The following TOX variants were observed in gnomAD, a reference collection of about 807,000 sequenced individuals.
TOX encodes the protein thymocyte selection associated high mobility group box.
In TOX, 11 loss-of-function variants were observed where a neutral mutation model predicts 53.7. The ratio of observed to expected loss-of-function variants is 0.20; its 90% confidence interval spans 0.13 to 0.34. The LOEUF is 0.34. TOX is among the 10% of genes least tolerant of loss of function. The pLI is 1.00. For synonymous variants in TOX, 225 were observed against 245.3 expected (o/e 0.92, Z 0.77); for missense variants, 570 against 664.6 (o/e 0.86, Z 1.56).
chr8:58,998,523 A>AAAAAATATAAATT (rs59892356), intron 1 of TOX, among the ~76,000 whole-genome samples: 5 of 45,044 alleles, frequency 1.1e-4, no homozygotes, highest in Admixed American at 3.0e-4. Context: ...ATATATATAT[A>AAAAAATATAAATT]TATATATATA....
At chr8:58,892,681 T>G (rs1015692639) in intron 3 of TOX, among the ~76,000 whole-genome samples, 1 of 152,140 alleles carries the variant, frequency 6.6e-6, no homozygotes, top group African/African-American at 2.4e-5. Flanking sequence ...AGCCTGTGCA[T>G]GTCAGTTTCT....
intron 1 of TOX, among the ~76,000 whole-genome samples, chr8:59,047,634 C>A (rs1052495384): frequency 6.6e-6 from 1 of 151,636 alleles, no homozygotes; most frequent in Admixed American, 6.6e-5. Context: ...TATTCACAGG[C>A]GCCATCATAG....
At chr8:59,114,692 TC>T (rs1445496834) in intron 1 of TOX, among the ~76,000 whole-genome samples, 2 of 152,190 alleles carry the variant, frequency 1.3e-5, no homozygotes, top group Non-Finnish European at 2.9e-5. Context: ...TTACCTTCTT[TC>T]TTCCCATACT....
chr8:58,890,960 C>A (rs1225474146), intron 3 of TOX, among the ~76,000 whole-genome samples: 2 of 152,066 alleles, frequency 1.3e-5, no homozygotes, highest in African/African-American at 4.8e-5. Context: ...CCAAGTCCAA[C>A]AGGATCTTAG....
At chr8:59,097,351 G>A (rs555091492) in intron 1 of TOX, among the ~76,000 whole-genome samples, 141 of 152,226 alleles carry the variant, frequency 9.3e-4, no homozygotes, top group African/African-American at 3.3e-3. Flanking sequence ...CTACGCCACC[G>A]GAGTGAGGTT....
intron 4 of TOX, among the ~76,000 whole-genome samples, chr8:58,847,289 T>C (rs1414653793): frequency 6.6e-6 from 1 of 152,054 alleles, no homozygotes; most frequent in African/African-American, 2.4e-5. Context: ...ACAAATATGT[T>C]GAACATGCTT....
At chr8:58,825,989 T>C (rs923033542) in intron 6 of TOX, among the ~76,000 whole-genome samples, 1 of 152,240 alleles carries the variant, frequency 6.6e-6, no homozygotes, top group Non-Finnish European at 1.5e-5. Context: ...AAATTTCTTA[T>C]GCATTTGTAC....
intron 3 of TOX, among the ~76,000 whole-genome samples, chr8:58,855,662 T>C (rs1291802774): frequency 6.6e-6 from 1 of 152,188 alleles, no homozygotes; most frequent in Non-Finnish European, 1.5e-5. Context: ...AAAATTAATC[T>C]TCATGAGCCA....
chr8:59,066,115 A>G (rs1310839307), intron 1 of TOX, among the ~76,000 whole-genome samples: 1 of 152,164 alleles, frequency 6.6e-6, no homozygotes, highest in Non-Finnish European at 1.5e-5. Flanking sequence ...AAACAGAACC[A>G]CCCTCTTCCT....
chr8:58,981,587 T>C (rs1426061835), intron 1 of TOX, among the ~76,000 whole-genome samples: 3 of 152,164 alleles, frequency 2.0e-5, no homozygotes, highest in Non-Finnish European at 4.4e-5. Context: ...GTTTTACTGC[T>C]CATCTTTTCC....
chr8:59,069,458 G>A (rs147602301), intron 1 of TOX, among the ~76,000 whole-genome samples: 18 of 152,250 alleles, frequency 1.2e-4, no homozygotes, highest in East Asian at 3.9e-4. Context: ...GAATATAGAC[G>A]TTTTGAAATG....
intron 6 of TOX, among the ~76,000 whole-genome samples, chr8:58,816,955 A>G (rs1368096825): frequency 6.6e-6 from 1 of 152,190 alleles, no homozygotes; most frequent in African/African-American, 2.4e-5. Flanking sequence ...TCAATAATGC[A>G]GTCAAGTTTC....
intron 1 of TOX, among the ~76,000 whole-genome samples, chr8:58,983,417 C>T (rs1418813447): frequency 6.6e-6 from 1 of 152,156 alleles, no homozygotes; most frequent in African/African-American, 2.4e-5. Flanking sequence ...CCCCTGGCAT[C>T]GAGTTAAAGC....
chr8:59,008,751 C>A (rs543450773), intron 1 of TOX, among the ~76,000 whole-genome samples: 1 of 152,304 alleles, frequency 6.6e-6, no homozygotes. Flanking sequence ...CTGTCTGTGG[C>A]ATTTTCCATC....
chr8:58,958,549 G>A (rs991031463), intron 2 of TOX, among the ~76,000 whole-genome samples: 1 of 152,180 alleles, frequency 6.6e-6, no homozygotes, highest in African/African-American at 2.4e-5. Flanking sequence ...TTGATGGTTA[G>A]AAGAAAATTA....
intron 3 of TOX, among the ~76,000 whole-genome samples, chr8:58,852,134 A>T (rs1810834692): frequency 6.6e-6 from 1 of 152,106 alleles, no homozygotes; most frequent in African/African-American, 2.4e-5. Flanking sequence ...TGTATATTAC[A>T]GCATGATCAT....
chr8:58,867,875 A>T (rs1219244632), intron 3 of TOX, among the ~76,000 whole-genome samples: 1 of 152,206 alleles, frequency 6.6e-6, no homozygotes, highest in African/African-American at 2.4e-5. Context: ...AACCAGGCTC[A>T]GAGGAAATTA....
chr8:59,108,048 C>T (rs1304081054), intron 1 of TOX, among the ~76,000 whole-genome samples: 4 of 152,152 alleles, frequency 2.6e-5, no homozygotes, highest in Non-Finnish European at 5.9e-5. Context: ...ATTCAAAGTA[C>T]TCCTATTCAT....
chr8:58,851,848 T>C lies in TOX; in HGVS notation c.412-43A>G, dbSNP rs1810831214. On this transcript the variant is annotated intron_variant, in intron 3 of 8. Transcript: ENST00000361421. This position sits in a 1 kb window ranked among gnomAD's most constrained non-coding sequence, Gnocchi z 4.4. ...ATAAATAAATAAATAAATAAATAAA[T>C]AGGAAAGGAGTAATTTTAACAAATA... is the stretch of plus-strand genomic sequence containing the variant. 2.7e-6 allele frequency: 3 copies of C among 1,112,044 alleles called. No individual in the cohort carries two copies. Among genetic ancestry groups the C allele is most frequent in the South Asian group, 3.6e-5 (1 of 28,100 alleles). The allele number at this position is 1,112,044 out of a possible 1,614,324, so 68.9% of individuals were successfully genotyped here. A position where few individuals can be genotyped will look rare whatever the true frequency, so the allele number is the denominator to read the frequency against.
Sources: gnomAD v4.1 joint callset for allele counts (sites outside exome capture counted in the v4.1 genomes callset) on GRCh38, gnomAD v4.1.1 for gene constraint, Gnocchi (gnomAD v3.1) non-coding constraint, MANE v1.5 for transcripts, NCBI Gene and HGNC (gene_info 2026-07-23, HGNC 2026-07-21) for gene names.